CDKAL1: variants seen among roughly 807,000 people sequenced by gnomAD.
The protein encoded by CDKAL1 is CDKAL1 threonylcarbamoyladenosine tRNA methylthiotransferase.
In CDKAL1, 32 loss-of-function variants were observed where a neutral mutation model predicts 68.2. That is an observed-to-expected ratio of 0.47 (90% confidence interval 0.35 to 0.63). The LOEUF is 0.63. CDKAL1 is among the 30% of genes least tolerant of loss of function. The probability of loss-of-function intolerance (pLI) is 0.00; values close to 1 mark genes in which losing one functional copy is unlikely to be tolerated. For missense variants in CDKAL1, 606 were observed against 696.7 expected (o/e 0.87, Z 1.47); for synonymous variants, 234 against 244.3 (o/e 0.96, Z 0.39).
At chr6:21,102,399 G>T (rs1016449520) in intron 12 of CDKAL1, among the ~76,000 whole-genome samples, 1 of 152,108 alleles carries the variant, frequency 6.6e-6, no homozygotes, top group Non-Finnish European at 1.5e-5. Flanking sequence ...CTGCCTTAGC[G>T]TCGTCCACAT....
intron 4 of CDKAL1, among the ~76,000 whole-genome samples, chr6:20,604,087 A>G (rs1253720220): frequency 1.3e-5 from 2 of 152,122 alleles, no homozygotes. Flanking sequence ...ATTGAGTGCC[A>G]TGTGAATGCC....
At chr6:21,095,564 TC>T (rs1333212255) in intron 12 of CDKAL1, among the ~76,000 whole-genome samples, 1 of 146,688 alleles carries the variant, frequency 6.8e-6, no homozygotes, top group African/African-American at 2.5e-5. Flanking sequence ...GGTCCCCCTT[TC>T]CCCCCAACCC....
intron 2 of CDKAL1, among the ~76,000 whole-genome samples, chr6:20,544,057 T>G (rs1561912943): frequency 6.6e-6 from 1 of 152,090 alleles, no homozygotes; most frequent in South Asian, 2.1e-4. Flanking sequence ...CATTTAAGTC[T>G]ATGATCCATT....
At chr6:20,572,904 G>A (rs1764762298) in intron 4 of CDKAL1, among the ~76,000 whole-genome samples, 1 of 152,008 alleles carries the variant, frequency 6.6e-6, no homozygotes, top group South Asian at 2.1e-4. Flanking sequence ...CCCAGATATA[G>A]TGTATGTTTG....
At chr6:20,996,078 A>G (rs1767091846) in intron 10 of CDKAL1, among the ~76,000 whole-genome samples, 1 of 152,200 alleles carries the variant, frequency 6.6e-6, no homozygotes, top group African/African-American at 2.4e-5. Context: ...TCTAGCTTCA[A>G]ACGTCTTCTG....
At chr6:21,006,263 A>C (rs574092600) in intron 11 of CDKAL1, among the ~76,000 whole-genome samples, 1 of 152,300 alleles carries the variant, frequency 6.6e-6, no homozygotes, top group African/African-American at 2.4e-5. Flanking sequence ...GCTTGGAAAC[A>C]TAAGTAGAAT....
At chr6:20,562,608 G>T (rs1184789152) in intron 4 of CDKAL1, among the ~76,000 whole-genome samples, 1 of 152,016 alleles carries the variant, frequency 6.6e-6, no homozygotes, top group African/African-American at 2.4e-5. Context: ...CGGCTATGGT[G>T]GTGGGCGCCT....
At chr6:20,793,802 TTA>T (rs776962803) in intron 8 of CDKAL1, among the ~76,000 whole-genome samples, 554 of 146,186 alleles carry the variant, frequency 3.8e-3, no homozygotes, top group African/African-American at 8.2e-3. Context: ...CAGATATATA[TTA>T]TATATATATA....
rs552919199 is a variant in CDKAL1 at position 21,143,545 on chromosome 6, A to T, written c.1299+35082A>T. 1.2e-4 allele frequency among the ~76,000 whole-genome samples: 18 copies of T among 152,196 alleles called. No homozygotes were observed. The South Asian group carries it at 3.7e-3, about 32-fold the overall frequency. On this transcript the variant is annotated intron_variant, in intron 13 of 15. Transcript: ENST00000274695. ...TTGATGTGGTTTGGGTTAGAAATTG[A>T]TATTTTATTTTCTTAATTTGTCAGG... is the stretch of plus-strand genomic sequence containing the variant.
chr6:20,541,741 A>G (rs1581696758), intron 2 of CDKAL1, among the ~76,000 whole-genome samples: 1 of 151,006 alleles, frequency 6.6e-6, no homozygotes, highest in South Asian at 2.1e-4. Context: ...GCTAACCAAA[A>G]CCTCTGCCTC....
At chr6:20,840,444 G>T (rs148645546) in intron 8 of CDKAL1, among the ~76,000 whole-genome samples, 131 of 152,334 alleles carry the variant, frequency 8.6e-4, no homozygotes, top group African/African-American at 3.1e-3. Context: ...TAGAGTAAGA[G>T]CAAATACAGC....
intron 4 of CDKAL1, among the ~76,000 whole-genome samples, chr6:20,591,799 G>T (rs550723096): frequency 1.3e-5 from 2 of 152,304 alleles, no homozygotes; most frequent in South Asian, 4.1e-4. Flanking sequence ...TTGAAGTCAG[G>T]TAGCCTGATG....
intron 7 of CDKAL1, among the ~76,000 whole-genome samples, chr6:20,767,685 A>G (rs1774760667): frequency 6.6e-6 from 1 of 152,182 alleles, no homozygotes; most frequent in African/African-American, 2.4e-5. Context: ...CTTTTCTTAG[A>G]AAACCTAATA....
intron 11 of CDKAL1, among the ~76,000 whole-genome samples, chr6:21,063,251 G>A (rs574336589): frequency 6.6e-6 from 1 of 152,278 alleles, no homozygotes; most frequent in South Asian, 2.1e-4. Context: ...GATATTCTAT[G>A]TTTTGACATT....
At chr6:20,984,428 C>T (rs1241543428) in intron 10 of CDKAL1, among the ~76,000 whole-genome samples, 1 of 152,058 alleles carries the variant, frequency 6.6e-6, no homozygotes, top group African/African-American at 2.4e-5. Flanking sequence ...TGCCCGAGAC[C>T]CCTGAAGCCC....
intron 4 of CDKAL1, among the ~76,000 whole-genome samples, chr6:20,625,033 A>G (rs1767365713): frequency 6.6e-6 from 1 of 152,060 alleles, no homozygotes. Flanking sequence ...TACCTAGCAC[A>G]TATAATTCAA....
intron 8 of CDKAL1, among the ~76,000 whole-genome samples, chr6:20,823,752 C>G (rs779086823): frequency 3.3e-5 from 5 of 152,122 alleles, no homozygotes; most frequent in Non-Finnish European, 5.9e-5. Context: ...TACCATCATA[C>G]AAACGAATGC....
chr6:21,173,394 GA>G, intron 13 of CDKAL1, among the ~76,000 whole-genome samples: 1 of 152,174 alleles, frequency 6.6e-6, no homozygotes, highest in Admixed American at 6.5e-5. Flanking sequence ...GCTTATTTAG[GA>G]AAGTGTTTTA....
chr6:20,585,213 T>G (rs1291511472), intron 4 of CDKAL1, among the ~76,000 whole-genome samples: 1 of 151,892 alleles, frequency 6.6e-6, no homozygotes, highest in Non-Finnish European at 1.5e-5. Flanking sequence ...CCCACCACCA[T>G]GCTAATTTTT....
Sources: allele counts gnomAD v4.1 joint callset (sites outside exome capture counted in the v4.1 genomes callset), GRCh38; gene constraint gnomAD v4.1.1; transcripts MANE v1.5; gene names NCBI Gene and HGNC (gene_info 2026-07-23, HGNC 2026-07-21).